Variants in LRRC49 observed in about 807,000 individuals in gnomAD.
LRRC49 encodes leucine-rich repeat-containing protein 49.
Under a neutral mutation model 83.3 loss-of-function variants are expected in LRRC49, and 50 were observed. The observed-to-expected ratio is 0.60, with a 90% CI of 0.48 to 0.76. The LOEUF is 0.76. Among genes scored for constraint, LRRC49 ranks in the 30% least tolerant of loss-of-function variants. The pLI, the probability that LRRC49 is intolerant of heterozygous loss-of-function variation, is 0.00. For synonymous variants in LRRC49, 286 were observed against 283.3 expected, an observed-to-expected ratio of 1.01 and a Z score of -0.10; for missense variants, 704 against 809.1, an observed-to-expected ratio of 0.87 and a Z score of 1.58.
At chr15:70,928,815 T>G (rs993508327) in intron 7 of LRRC49, among the ~76,000 whole-genome samples, 2 of 152,234 alleles carry the variant, frequency 1.3e-5, no homozygotes, top group African/African-American at 4.8e-5. Flanking sequence ...TCCACCCGCC[T>G]TGGCCTCCCA....
intron 8 of LRRC49, among the ~76,000 whole-genome samples, chr15:70,957,485 T>G (rs897430820): frequency 4.0e-5 from 6 of 151,786 alleles, no homozygotes; most frequent in Admixed American, 3.9e-4. Flanking sequence ...CTCATTCACT[T>G]TTTTTTTAAT....
intron 4 of LRRC49, 59 bp downstream of exon 4, chr15:70,901,083 A>C: frequency 1.1e-6 from 1 of 911,988 alleles, no homozygotes; most frequent in Non-Finnish European, 1.7e-6. Context: ...GACGTGGTAC[A>C]AGACTTGAAA....
At chr15:70,853,608 TC>T (rs2032550032) in intron 1 of LRRC49, 5 of 272,610 alleles carry the variant, frequency 1.8e-5, no homozygotes, top group Non-Finnish European at 3.4e-5. Context: ...CCCGTGAAAG[TC>T]CTCCTCCTGG....
At chr15:70,856,015 T>A (rs146637513) in intron 1 of LRRC49, among the ~76,000 whole-genome samples, 1 of 152,322 alleles carries the variant, frequency 6.6e-6, no homozygotes, top group Non-Finnish European at 1.5e-5. Flanking sequence ...AGCCATCTCG[T>A]GTGGCAAAGA....
Position 71,040,547 on chromosome 15 carries a change from C to A in LRRC49, c.1857+3215C>A, listed in dbSNP as rs560704217. ...AAAAGAGGATTCAAGCGGCCGGGCG[C>A]GGTGGCTCACACCTGTAATCCCAGC... On this transcript the variant is annotated intron_variant, in intron 15 of 15. Transcript: ENST00000260382. Among the ~76,000 whole-genome samples the A allele has an allele frequency of 2.0e-5, 3 of 152,074 alleles. No individual in the cohort carries two copies. In the East Asian group the frequency reaches 5.8e-4, roughly 29 times the overall value.
At chr15:71,035,870 G>T (rs2039503814) in intron 14 of LRRC49, among the ~76,000 whole-genome samples, 1 of 152,136 alleles carries the variant, frequency 6.6e-6, no homozygotes, top group African/African-American at 2.4e-5. Context: ...TAATGGAATT[G>T]CTGGGTCAAA....
intron 11 of LRRC49, among the ~76,000 whole-genome samples, chr15:70,991,797 A>C (rs1428529377): frequency 6.6e-6 from 1 of 152,230 alleles, no homozygotes; most frequent in Non-Finnish European, 1.5e-5. Context: ...ACTAAATATA[A>C]TATAGCTTTT....
chr15:70,858,914 G>A (rs756043560), intron 1 of LRRC49: 56 of 776,464 alleles, frequency 7.2e-5, no homozygotes, highest in Admixed American at 1.9e-4. Context: ...CCGCTGTCAC[G>A]GTCAACCAGA....
upstream of LRRC49, among the ~76,000 whole-genome samples, chr15:70,888,755 C>T (rs1303026749): frequency 6.6e-6 from 1 of 152,064 alleles, no homozygotes; most frequent in Non-Finnish European, 1.5e-5. Context: ...AATTCTAAAT[C>T]AACAAGAAAA....
intron 7 of LRRC49, among the ~76,000 whole-genome samples, chr15:70,921,091 G>A (rs1445394063): frequency 6.6e-6 from 1 of 152,094 alleles, no homozygotes; most frequent in Non-Finnish European, 1.5e-5. Context: ...CAGTTGAATA[G>A]ATCTTTTTAA....
intron 7 of LRRC49, among the ~76,000 whole-genome samples, chr15:70,932,045 A>G (rs1273158441): frequency 2.6e-5 from 4 of 152,210 alleles, no homozygotes; most frequent in Admixed American, 2.6e-4. Flanking sequence ...TCAGCATATC[A>G]GTGCCTTCTT....
chr15:70,859,765 C>T, intron 1 of LRRC49: 1 of 730,242 alleles, frequency 1.4e-6, no homozygotes. Flanking sequence ...ATGCCAACGC[C>T]AAGCTGTCCG....
At chr15:70,989,397 T>A (rs1257268533) in intron 11 of LRRC49, among the ~76,000 whole-genome samples, 1 of 152,220 alleles carries the variant, frequency 6.6e-6, no homozygotes, top group African/African-American at 2.4e-5. Context: ...CTTCCATCAC[T>A]GATATCCTTT....
chr15:70,920,849 T>C (rs573832331), intron 7 of LRRC49, among the ~76,000 whole-genome samples: 1 of 152,318 alleles, frequency 6.6e-6, no homozygotes, highest in Admixed American at 6.5e-5. Context: ...TATTGTGAAA[T>C]ATATGGACAA....
chr15:70,873,515 C>A (rs1414667809), intron 2 of LRRC49, among the ~76,000 whole-genome samples: 1 of 152,172 alleles, frequency 6.6e-6, no homozygotes, highest in African/African-American at 2.4e-5. Context: ...GCTGACTGGG[C>A]AGCTCTTCTC....
rs139415291 is a variant in LRRC49 at position 71,004,581 on chromosome 15, C to T, written c.1170-3798C>T. Among the ~76,000 whole-genome samples, 541 of 149,042 alleles carry T rather than the reference C, an allele frequency of 3.6e-3. 4 individuals are homozygous for T. Among genetic ancestry groups the T allele is most frequent in the African/African-American group, 0.013 (518 of 40,286 alleles). ...ACAAGAATCTCTTGAATCCGGGAGGCGGAGGTTGCAGTGGGCTGAGATTGT... is the reference window on the plus strand; with the variant it reads ...ACAAGAATCTCTTGAATCCGGGAGGTGGAGGTTGCAGTGGGCTGAGATTGT... On this transcript the variant is annotated intron_variant, in intron 11 of 15. Coordinates refer to ENST00000260382, the MANE Select transcript of LRRC49 (RefSeq NM_017691.5).
chr15:71,046,681 T>TGTGCAAAA (rs1343830761), intron 15 of LRRC49, among the ~76,000 whole-genome samples: 1 of 152,248 alleles, frequency 6.6e-6, no homozygotes, highest in Non-Finnish European at 1.5e-5. Flanking sequence ...TTTCTTTTGC[T>TGTGCAAAA]GTGCAAAAGC....
chr15:70,903,662 C>G (rs12442048), intron 4 of LRRC49, among the ~76,000 whole-genome samples: 26,012 of 152,084 alleles, frequency 0.17, 2,653 homozygotes, highest in Middle Eastern at 0.33. Flanking sequence ...TTCTAATAAA[C>G]TTCCCTATTA....
chr15:70,858,363 A>G (rs965643364), intron 1 of LRRC49, among the ~76,000 whole-genome samples: 2 of 152,076 alleles, frequency 1.3e-5, no homozygotes, highest in African/African-American at 4.8e-5. Context: ...GCACTTTTGG[A>G]GGCCGAGGCG....
Sources: gnomAD v4.1 joint callset for allele counts (sites outside exome capture counted in the v4.1 genomes callset) on GRCh38, gnomAD v4.1.1 for gene constraint, MANE v1.5 for transcripts, NCBI Gene and HGNC (gene_info 2026-07-23, HGNC 2026-07-21) for gene names.